The following ATF7IP variants were observed in gnomAD, a reference collection of about 807,000 sequenced individuals.
ATF7IP encodes the protein activating transcription factor 7-interacting protein 1.
Under a neutral mutation model 106.4 loss-of-function variants are expected in ATF7IP, and 23 were observed. The observed-to-expected ratio is 0.22, with a 90% confidence interval of 0.16 to 0.31. ATF7IP has a LOEUF of 0.31. Ranked by LOEUF, ATF7IP falls within the 10% of genes least tolerant of loss-of-function variation. ATF7IP has a pLI of 1.00. For missense variants in ATF7IP, 1,334 were observed against 1,524.3 expected, an observed-to-expected ratio of 0.88 and a Z score of 2.08; for synonymous variants, 542 against 539.0, an observed-to-expected ratio of 1.01 and a Z score of -0.08.
intron 5 of ATF7IP, among the ~76,000 whole-genome samples, chr12:14,439,199 A>G (rs1942573458): frequency 6.6e-6 from 1 of 152,180 alleles, no homozygotes. Flanking sequence ...TCATTCTGTC[A>G]TAAGTAAGTG....
intron 10 of ATF7IP, among the ~76,000 whole-genome samples, chr12:14,469,519 A>G (rs1275399493): frequency 6.6e-6 from 1 of 151,908 alleles, no homozygotes; most frequent in Non-Finnish European, 1.5e-5. Flanking sequence ...AACATATTGC[A>G]TATAATTTAT....
intron 1 of ATF7IP, among the ~76,000 whole-genome samples, chr12:14,399,785 G>A (rs2136459033): frequency 6.6e-6 from 1 of 152,110 alleles, no homozygotes; most frequent in East Asian, 1.9e-4. Flanking sequence ...TAATTAGCTA[G>A]TGTTTTTTGT....
Position 14,466,596 on chromosome 12 carries a change from A to T in ATF7IP, c.2862+6A>T. 7 of 1,588,422 alleles carry T rather than the reference A, an allele frequency of 4.4e-6. No homozygotes were observed. Among genetic ancestry groups the T allele is most frequent in the Non-Finnish European group, 6.0e-6 (7 of 1,170,062 alleles). ...CAGCTGATAGCACATCACAGGTAAGATTTTTCCTTCTTCTTCAAAGTAAAA... is the reference window on the plus strand; with the variant it reads ...CAGCTGATAGCACATCACAGGTAAGTTTTTTCCTTCTTCTTCAAAGTAAAA... On this transcript the variant is annotated splice_donor_region_variant and intron_variant, in intron 10 of 14. Coordinates refer to ENST00000261168, the MANE Select transcript of ATF7IP (RefSeq NM_018179.5).
intron 1 of ATF7IP, among the ~76,000 whole-genome samples, chr12:14,372,604 G>A (rs1011746301): frequency 6.6e-6 from 1 of 151,990 alleles, no homozygotes; most frequent in Non-Finnish European, 1.5e-5. Context: ...ACTTATTCAT[G>A]TCTGCAGTTT....
In ATF7IP at chr12:14,436,795, T is replaced by TAAA. The variant is rs1418418367; in HGVS notation, c.1791+548_1791+550dup. Among the ~76,000 whole-genome samples, 670 of 148,250 alleles carry TAAA rather than the reference T, an allele frequency of 4.5e-3. 3 individuals carry two copies. The highest frequency in any genetic ancestry group is 0.016 in the African/African-American group (639 of 39,300). On this transcript the variant is annotated intron_variant, in intron 4 of 14. Coordinates refer to ENST00000261168, the MANE Select transcript of ATF7IP (RefSeq NM_018179.5). ...TTTTGGCTACATCTTTTTTTTTTTTTAAAAAAGGTTATGATTATCAAAACA... is the reference window on the plus strand; with the variant it reads ...TTTTGGCTACATCTTTTTTTTTTTTTAAAAAAAAAGGTTATGATTATCAAAACA...
chr12:14,484,615 G>A (rs759271242), intron 13 of ATF7IP, among the ~76,000 whole-genome samples: 1 of 152,138 alleles, frequency 6.6e-6, no homozygotes, highest in Non-Finnish European at 1.5e-5. Flanking sequence ...GCCTGCATAT[G>A]GTGCAGAACC....
At chr12:14,459,309 G>A (rs1411036787) in intron 8 of ATF7IP, among the ~76,000 whole-genome samples, 1 of 151,630 alleles carries the variant, frequency 6.6e-6, no homozygotes, top group Non-Finnish European at 1.5e-5. Flanking sequence ...TCCTACTTTG[G>A]CACGCAGTAG....
intron 9 of ATF7IP, among the ~76,000 whole-genome samples, chr12:14,463,648 G>T (rs1334926411): frequency 6.6e-6 from 1 of 152,126 alleles, no homozygotes; most frequent in Non-Finnish European, 1.5e-5. Context: ...TTTTTGTAGG[G>T]GGTAATGTGA....
intron 5 of ATF7IP, among the ~76,000 whole-genome samples, chr12:14,442,453 G>A (rs1257867821): frequency 1.3e-5 from 2 of 152,162 alleles, no homozygotes; most frequent in Non-Finnish European, 2.9e-5. Context: ...GTAACACTTA[G>A]CCAATCGAGT....
chr12:14,397,300 A>T (rs920198240), intron 1 of ATF7IP, among the ~76,000 whole-genome samples: 2 of 152,236 alleles, frequency 1.3e-5, no homozygotes, highest in Non-Finnish European at 2.9e-5. Context: ...TGAGTTCCTA[A>T]AAAGTGTTTG....
chr12:14,488,292 G>T (rs1223080277), intron 13 of ATF7IP, among the ~76,000 whole-genome samples: 2 of 151,920 alleles, frequency 1.3e-5, no homozygotes, highest in African/African-American at 4.8e-5. Context: ...ATATTAACAC[G>T]ATCACAAGAT....
At chr12:14,429,039 T>C (rs561230413) in intron 2 of ATF7IP, among the ~76,000 whole-genome samples, 1 of 152,296 alleles carries the variant, frequency 6.6e-6, no homozygotes, top group South Asian at 2.1e-4. Flanking sequence ...CCATATACTT[T>C]CCTCTAACTA....
chr12:14,374,707 G>GA (rs1160341468), intron 1 of ATF7IP, among the ~76,000 whole-genome samples: 4 of 152,124 alleles, frequency 2.6e-5, no homozygotes, highest in Non-Finnish European at 4.4e-5. Flanking sequence ...CAGAAAGGAA[G>GA]GTAGTGTGTT....
At chr12:14,400,664 C>T (rs1175704643) in intron 1 of ATF7IP, among the ~76,000 whole-genome samples, 1 of 151,966 alleles carries the variant, frequency 6.6e-6, no homozygotes, top group Non-Finnish European at 1.5e-5. Context: ...CTTTGTAAAA[C>T]ATGTTGATAC....
rs762855649 is a variant in ATF7IP at position 14,456,578 on chromosome 12, A to G, written c.2013A>G (p.Pro671=). ...TCCCCCAGCATCCACCCAACCCACC[A>G]GTATCACCAGGAAAAACTGTAAATG... ...KKRHEHPPNP[P]VSPGKTVNDV... Residue 671 remains proline, a synonymous_variant, in exon 7 of 15, where the codon CCA becomes CCG. Coordinates refer to ENST00000261168, the MANE Select transcript of ATF7IP (RefSeq NM_018179.5). The G allele has an allele frequency of 1.2e-6, 2 of 1,612,348 alleles. No homozygotes were observed. The highest frequency in any genetic ancestry group is 1.1e-5 in the South Asian group (1 of 91,052).
At chr12:14,416,776 A>T (rs966315779) in intron 1 of ATF7IP, 27 of 277,246 alleles carry the variant, frequency 9.7e-5, no homozygotes, top group African/African-American at 3.9e-4. Context: ...GTTGCTGGGC[A>T]AGGTTTGTGA....
At chr12:14,474,433 C>T (rs889034142) in intron 10 of ATF7IP, among the ~76,000 whole-genome samples, 2 of 140,582 alleles carry the variant, frequency 1.4e-5, no homozygotes, top group East Asian at 4.1e-4. Context: ...TGGAGTCTTG[C>T]TCTGCCACCT....
At chr12:14,368,867 A>T (rs1025310680) in intron 1 of ATF7IP, among the ~76,000 whole-genome samples, 45 of 151,914 alleles carry the variant, frequency 3.0e-4, no homozygotes, top group African/African-American at 1.1e-3. Flanking sequence ...AATATTTGTC[A>T]CAGTAATTTT....
At chr12:14,394,586 T>C (rs1055334223) in intron 1 of ATF7IP, among the ~76,000 whole-genome samples, 3 of 152,194 alleles carry the variant, frequency 2.0e-5, no homozygotes, top group Non-Finnish European at 4.4e-5. Context: ...TTGTCCTTAC[T>C]GGCGCCAGCT....
Sources: gnomAD v4.1 joint callset for allele counts (sites outside exome capture counted in the v4.1 genomes callset) on GRCh38, gnomAD v4.1.1 for gene constraint, MANE v1.5 for transcripts, NCBI Gene and HGNC (gene_info 2026-07-23, HGNC 2026-07-21) for gene names.